Variants in COL4A4 observed in about 807,000 individuals in gnomAD.
The protein encoded by COL4A4 is collagen alpha-4(IV) chain.
COL4A4 carries 105 observed loss-of-function variants against 192.9 expected under a neutral mutation model. That is an observed-to-expected ratio of 0.54 (90% confidence interval 0.46 to 0.64). COL4A4 has a LOEUF of 0.64. Ranked by LOEUF, COL4A4 falls within the 30% of genes least tolerant of loss-of-function variation. The pLI is 0.00. For synonymous variants in COL4A4, 762 were observed against 769.9 expected (o/e 0.99, Z 0.17); for missense variants, 1,967 against 2,169.3 (o/e 0.91, Z 1.85).
chr2:227,026,264 A>G (rs1191971164), intron 42 of COL4A4, among the ~76,000 whole-genome samples: 2 of 152,142 alleles, frequency 1.3e-5, no homozygotes, highest in Non-Finnish European at 2.9e-5. Context: ...TTGGGAGGCC[A>G]AGGCGGGTGG....
intron 1 of COL4A4, among the ~76,000 whole-genome samples, chr2:227,150,363 A>G (rs1212075864): frequency 6.6e-6 from 1 of 152,156 alleles, no homozygotes; most frequent in Non-Finnish European, 1.5e-5. Flanking sequence ...AATTTAAGTA[A>G]TTATGCAAAG....
rs751859861 is a variant in COL4A4 at position 227,042,203 on chromosome 2, A to G, written c.3450T>C (p.Pro1150=). The G allele has an allele frequency of 1.1e-5, 18 of 1,613,702 alleles. No homozygotes were observed. In the Admixed American group the frequency reaches 2.8e-4, roughly 25 times the overall value. The part of the protein sequence containing the change: ...LRGQPGEMGD[P]GPRGLQGDPG... ...GATCCCCCTGGAGGCCTCTTGGCCC[A>G]GGGTCTCCCATTTCTCCTGGCTGTC... is the stretch of plus-strand genomic sequence containing the variant. Residue 1150 remains proline, a synonymous_variant, in exon 37 of 48, where the codon CCT becomes CCC. Transcript: ENST00000396625.
chr2:227,118,797 C>T (rs747123715), intron 6 of COL4A4, 36 bp from the exon 7 acceptor site: 40 of 1,377,082 alleles, frequency 2.9e-5, no homozygotes, highest in Admixed American at 2.5e-4. Context: ...AGCATTTTTG[C>T]GAAAATATCA....
chr2:227,104,453 G>T (rs1346612835), intron 12 of COL4A4, among the ~76,000 whole-genome samples: 3 of 148,048 alleles, frequency 2.0e-5, no homozygotes, highest in African/African-American at 4.9e-5. Flanking sequence ...GTGGTGGCAG[G>T]CGCCTGTAGT....
chr2:227,071,005 G>T (rs2058689699), intron 25 of COL4A4, among the ~76,000 whole-genome samples: 1 of 151,954 alleles, frequency 6.6e-6, no homozygotes, highest in Non-Finnish European at 1.5e-5. Context: ...ATAACACAAT[G>T]AAAAGACAAC....
Position 227,031,961 on chromosome 2 carries a change from A to T in COL4A4, c.3801T>A (p.Gly1267=). ...CTCTCATACCTCTTGGGCCATCAGG[A>T]CCAGGAGGTCCCTGATCTCCAGGTG... is the stretch of plus-strand genomic sequence containing the variant. The part of the protein sequence containing the change: ...PGPPGDQGPP[G]PDGPRGAPGP... Residue 1267 remains glycine, a synonymous_variant, in exon 40 of 48, where the codon GGT becomes GGA. Transcript: ENST00000396625. 2 of 1,612,128 alleles carry T rather than the reference A, an allele frequency of 1.2e-6. No individual in the cohort carries two copies. The highest frequency in any genetic ancestry group is 1.7e-6 in the Non-Finnish European group (2 of 1,178,260).
At chr2:227,122,634 A>G (rs191624910) in intron 4 of COL4A4, among the ~76,000 whole-genome samples, 60 of 152,300 alleles carry the variant, frequency 3.9e-4, no homozygotes, top group African/African-American at 1.4e-3. Context: ...AGTCCCATCA[A>G]GGAAATACTT....
intron 4 of COL4A4, among the ~76,000 whole-genome samples, chr2:227,127,471 A>C (rs989151991): frequency 1.3e-5 from 2 of 152,238 alleles, no homozygotes; most frequent in African/African-American, 4.8e-5. Context: ...CTGTCTTCTG[A>C]AGCCAGGGCA....
Position 227,109,544 on chromosome 2 carries a change from C to G in COL4A4, c.595-258G>C, listed in dbSNP as rs149236202. 256 of 624,336 alleles carry G rather than the reference C, an allele frequency of 4.1e-4. 2 individuals are homozygous for G. The East Asian group carries it at 8.0e-3, about 20-fold the overall frequency. 38.7% of individuals were successfully genotyped at this position (624,336 alleles called of 1,614,324 possible). Reference sequence around the variant, plus strand: ...GGGGCAGATCACGAGGTCAGGAGATCGAGACCATCCTGGCCAACATGGTGA... The same window carrying G: ...GGGGCAGATCACGAGGTCAGGAGATGGAGACCATCCTGGCCAACATGGTGA... On this transcript the variant is annotated intron_variant, in intron 9 of 47. Transcript: ENST00000396625.
intron 35 of COL4A4, among the ~76,000 whole-genome samples, chr2:227,044,563 A>G (rs907403317): frequency 6.6e-6 from 1 of 152,170 alleles, no homozygotes; most frequent in Non-Finnish European, 1.5e-5. Flanking sequence ...TCCTGAAAAC[A>G]TTCCTACAGT....
intron 23 of COL4A4, 63 bp from the exon 24 acceptor site, chr2:227,080,612 G>C: frequency 1.4e-6 from 2 of 1,414,368 alleles, no homozygotes; most frequent in Admixed American, 3.4e-5. Context: ...AGGATAGAGA[G>C]GACAAAAAAT....
intron 44 of COL4A4, among the ~76,000 whole-genome samples, chr2:227,017,033 A>G (rs1301478960): frequency 1.3e-5 from 2 of 152,194 alleles, no homozygotes; most frequent in Admixed American, 6.5e-5. Flanking sequence ...TGGGGCCCCA[A>G]CAGTGAGCTC....
chr2:227,035,622 A>G (rs1352852816), intron 37 of COL4A4, among the ~76,000 whole-genome samples: 5 of 152,016 alleles, frequency 3.3e-5, no homozygotes, highest in African/African-American at 7.2e-5. Flanking sequence ...TTATTCTCCA[A>G]TCCTCTTTCC....
intron 37 of COL4A4, among the ~76,000 whole-genome samples, chr2:227,035,861 A>C (rs1969550201): frequency 1.3e-5 from 2 of 152,118 alleles, no homozygotes. Flanking sequence ...TTGTCACATC[A>C]ACACATCCAG....
intron 12 of COL4A4, among the ~76,000 whole-genome samples, chr2:227,105,188 ATTTTTTTTT>A (rs36065792): frequency 9.6e-6 from 1 of 104,068 alleles, no homozygotes; most frequent in Non-Finnish European, 1.8e-5. Flanking sequence ...CAGGATCCTG[ATTTTTTTTT>A]TTTTTTTTTT....
intron 24 of COL4A4, among the ~76,000 whole-genome samples, chr2:227,078,764 C>T (rs7574757): frequency 0.15 from 23,041 of 152,172 alleles, 2,129 homozygotes; most frequent in African/African-American, 0.26. Context: ...AGATACATAG[C>T]TAGACTCCAT....
At chr2:227,111,597 C>G (rs1371010877) in intron 9 of COL4A4, 81 bp downstream of exon 9, 7 of 1,450,834 alleles carry the variant, frequency 4.8e-6, no homozygotes, top group Non-Finnish European at 6.8e-6. Context: ...AATTATGTAG[C>G]TGGCTTTGCT....
chr2:227,081,163 T>G lies in COL4A4; in HGVS notation c.1697-614A>C, dbSNP rs151287056. Among the ~76,000 whole-genome samples, 262 of 152,240 alleles carry G rather than the reference T, an allele frequency of 1.7e-3. 1 individual carries two copies. The highest frequency in any genetic ancestry group is 5.7e-3 in the African/African-American group (238 of 41,544). ...GAATGAAGGATGCCTACATAGCTGG[T>G]AAAGGGTTGTTGTTGGGTGTGTCTG... On this transcript the variant is annotated intron_variant, in intron 23 of 47. Coordinates refer to ENST00000396625, the MANE Select transcript of COL4A4 (RefSeq NM_000092.5).
At chr2:227,119,659 A>G (rs2061672601) in intron 6 of COL4A4, among the ~76,000 whole-genome samples, 2 of 148,752 alleles carry the variant, frequency 1.3e-5, no homozygotes, top group African/African-American at 4.9e-5. Context: ...AACCTAATGT[A>G]TTCTATATCT....
Sources: allele counts gnomAD v4.1 joint callset (sites outside exome capture counted in the v4.1 genomes callset), GRCh38; gene constraint gnomAD v4.1.1; transcripts MANE v1.5; gene names NCBI Gene and HGNC (gene_info 2026-07-23, HGNC 2026-07-21).